The following MMP25 variants were observed in gnomAD, a reference collection of about 807,000 sequenced individuals.
MMP25 encodes the protein matrix metallopeptidase 25.
In MMP25, 68 loss-of-function variants were observed where a neutral mutation model predicts 62.1. The ratio of observed to expected loss-of-function variants is 1.10; its 90% confidence interval spans 0.90 to 1.34. The LOEUF (loss-of-function observed/expected upper bound fraction) is 1.34. Among genes scored for constraint, MMP25 ranks in the 40% most tolerant of loss-of-function variants. The probability of loss-of-function intolerance (pLI) is 0.00; values close to 1 mark genes in which losing one functional copy is unlikely to be tolerated. For missense variants in MMP25, 942 were observed against 792.5 expected (o/e 1.19, Z -2.26); for synonymous variants, 407 against 345.6 (o/e 1.18, Z -1.97).
At position 3,058,205 on chromosome 16, in the gene MMP25, C is replaced by T. The variant is rs373228557; in HGVS notation, c.1031C>T (p.Pro344Leu). 6.2e-7 allele frequency: 1 copy of T among 1,612,790 alleles called. No homozygotes were observed. The highest frequency in any genetic ancestry group is 1.3e-5 in the African/African-American group (1 of 74,680). ...FKGPWFWRLQ[P>L]SGQLVSPRPA... ...GGCCCCTGGTTCTGGCGCCTCCAGC[C>T]CTCCGGACAGCTGGTGTCCCCGCGA... The change falls in exon 8 of 10, where the codon CCC becomes CTC. Residue 344 changes from proline (P) to leucine (L), a missense_variant. Physicochemically the swap from Pro to Leu is moderately conservative, Grantham distance 98 (BLOSUM62 -3). Coordinates refer to ENST00000336577, the MANE Select transcript of MMP25 (RefSeq NM_022468.5).
intron 4 of MMP25, chr16:3,056,186 A>C (rs758000642): frequency 4.4e-4 from 70 of 159,484 alleles, no homozygotes; most frequent in Non-Finnish European, 6.9e-4. Flanking sequence ...GGCAGGAATG[A>C]GGGAAGGTCT....
intron 2 of MMP25, among the ~76,000 whole-genome samples, chr16:3,048,365 T>C (rs527500159): frequency 4.2e-4 from 64 of 152,262 alleles, no homozygotes; most frequent in South Asian, 1.0e-3. Context: ...TCCAATGGTA[T>C]AGTGATAAAT....
At chr16:3,058,791 C>T (rs948746593) in intron 9 of MMP25, 36 bp from the exon 10 acceptor site, 3 of 1,364,348 alleles carry the variant, frequency 2.2e-6, no homozygotes, top group Admixed American at 2.4e-5. Flanking sequence ...AGCGGCGGGG[C>T]GGGGAGGGAC....
In MMP25 at chr16:3,050,417, T is replaced by C. The variant is rs1955885610; in HGVS notation, c.532T>C (p.Phe178Leu). Residue 178 changes from phenylalanine to leucine, a missense_variant, in exon 4 of 10, where the codon TTC (phenylalanine) becomes CTC (leucine). Physicochemically the swap from Phe to Leu is conservative, Grantham distance 22. Transcript: ENST00000336577. ...CATCCTCATCGACTTTGCCCGCGCC[T>C]TCCACCAGGACAGCTACCCCTTCGA... is the stretch of plus-strand genomic sequence containing the variant. ...PDILIDFARAFHQDSYPFDGL... is the reference protein window; with the variant it reads ...PDILIDFARALHQDSYPFDGL... 6.2e-7 allele frequency: 1 copy of C among 1,613,862 alleles called. No homozygotes were observed. The highest frequency in any genetic ancestry group is 8.5e-7 in the Non-Finnish European group (1 of 1,180,006).
intron 4 of MMP25, among the ~76,000 whole-genome samples, chr16:3,056,561 G>C (rs1596220111): frequency 6.6e-6 from 1 of 152,016 alleles, no homozygotes; most frequent in East Asian, 1.9e-4. Context: ...ACAGGCATGC[G>C]CCACCACTCC....
At chr16:3,047,129 G>A (rs1955833069) in intron 1 of MMP25, 113 bp downstream of exon 1, 2 of 1,214,816 alleles carry the variant, frequency 1.6e-6, no homozygotes, top group Non-Finnish European at 2.2e-6. Flanking sequence ...TATCCAAAGA[G>A]TGACTGAGGA....
Position 3,050,353 on chromosome 16 carries a change from A to G in MMP25, c.468A>G (p.Thr156=), listed in dbSNP as rs148929913. 26 of 1,613,750 alleles carry G rather than the reference A, an allele frequency of 1.6e-5. No individual in the cohort carries two copies. In the African/African-American group the frequency reaches 3.1e-4, roughly 19 times the overall value. Residue 156 remains threonine, a synonymous_variant, in exon 4 of 10, where the codon ACA becomes ACG. Transcript: ENST00000336577. ...LMAWGMESGL[T]FHEVDSPQGQ... The stretch of plus-strand genomic sequence containing the variant: ...CCTGGGGCATGGAGTCAGGCCTCAC[A>G]TTTCATGAGGTGGATTCCCCCCAGG...
At chr16:3,056,516 C>T (rs560397850) in intron 4 of MMP25, among the ~76,000 whole-genome samples, 9 of 152,256 alleles carry the variant, frequency 5.9e-5, no homozygotes, top group African/African-American at 1.7e-4. Context: ...TCTCCTGCCT[C>T]CCTGCCTCAG....
In MMP25 at chr16:3,050,289, AGGAGACCG is replaced by A; in HGVS notation, c.405_412del (p.Gln135HisfsTer22). The A allele has an allele frequency of 6.2e-7, 1 of 1,608,132 alleles. No individual in the cohort carries two copies. Among genetic ancestry groups the A allele is most frequent in the Non-Finnish European group, 8.5e-7 (1 of 1,175,784 alleles). The stretch of plus-strand genomic sequence containing the variant: ...TTCCCCCAGAGCTCCCAGCTGAGCC[AGGAGACCG>A]TGCGGGTCCTCATGAGCTATGCCCT... On this transcript the variant is annotated frameshift_variant, in exon 4 of 10. Coordinates refer to ENST00000336577, the MANE Select transcript of MMP25 (RefSeq NM_022468.5). LOFTEE classifies it high-confidence loss of function.
In MMP25 at chr16:3,058,672, G is replaced by A; in HGVS notation, c.1417+3G>A. On this transcript the variant is annotated splice_donor_region_variant and intron_variant, in intron 9 of 9. Coordinates refer to ENST00000336577, the MANE Select transcript of MMP25 (RefSeq NM_022468.5). ...CGATGTCACCGTCAGCAACGCAGGT[G>A]GGGAGCGCGGTGACCTGCGGGTTAC... 1 of 1,593,982 alleles carries A rather than the reference G, an allele frequency of 6.3e-7. No homozygotes were observed. Among genetic ancestry groups the A allele is most frequent in the Middle Eastern group, 1.7e-4 (1 of 6,020 alleles).
intron 2 of MMP25, among the ~76,000 whole-genome samples, chr16:3,047,996 C>T (rs914399119): frequency 2.0e-5 from 3 of 152,098 alleles, no homozygotes; most frequent in Admixed American, 6.6e-5. Flanking sequence ...CGCACCATCA[C>T]ACCAGGCTAA....
Position 3,057,213 on chromosome 16 carries a change from G to A in MMP25, c.838+4G>A. 1.2e-6 allele frequency: 2 copies of A among 1,613,186 alleles called. No individual in the cohort carries two copies. The highest frequency in any genetic ancestry group is 1.7e-6 in the Non-Finnish European group (2 of 1,179,550). On this transcript the variant is annotated splice_donor_region_variant and intron_variant, in intron 5 of 9. Coordinates refer to ENST00000336577, the MANE Select transcript of MMP25 (RefSeq NM_022468.5). ...GATGGCCTGCAGCAACTCTATGGTA[G>A]GGGGAGAGGGACCTGCCGCGAAACC...
Position 3,050,356 on chromosome 16 carries a change from T to A in MMP25, c.471T>A (p.Phe157Leu). The change falls in exon 4 of 10, where the codon TTT (phenylalanine) becomes TTA (leucine). Residue 157 changes from phenylalanine (F) to leucine (L), a missense_variant. Transcript: ENST00000336577. Reference sequence around the variant, plus strand: ...GGGGCATGGAGTCAGGCCTCACATTTCATGAGGTGGATTCCCCCCAGGGCC... The same window carrying A: ...GGGGCATGGAGTCAGGCCTCACATTACATGAGGTGGATTCCCCCCAGGGCC... The part of the protein sequence containing the change: ...MAWGMESGLT[F>L]HEVDSPQGQE... 1 of 1,614,018 alleles carries A rather than the reference T, an allele frequency of 6.2e-7. No homozygotes were observed.
rs780841643 is a variant in MMP25 at position 3,057,621 on chromosome 16, A to G, written c.1006+8A>G. 25 of 1,613,532 alleles carry G rather than the reference A, an allele frequency of 1.5e-5. No individual in the cohort carries two copies. The Admixed American group carries it at 1.8e-4, about 12-fold the overall frequency. On this transcript the variant is annotated splice_region_variant and intron_variant, in intron 7 of 9. Coordinates refer to ENST00000336577, the MANE Select transcript of MMP25 (RefSeq NM_022468.5). ...AAACTTTCTTCTTCAAAGGTGAGTC[A>G]TTTCACTTGGCCTCATATATGTTGG... is the stretch of plus-strand genomic sequence containing the variant.
At position 3,046,850 on chromosome 16, in the gene MMP25, C is replaced by T; in HGVS notation, c.-68C>T. 2 of 906,844 alleles carry T rather than the reference C, an allele frequency of 2.2e-6. No individual in the cohort carries two copies. Among genetic ancestry groups the T allele is most frequent in the African/African-American group, 3.5e-5 (2 of 56,382 alleles). The allele number at this position is 906,844 out of a possible 1,614,324, so 56.2% of individuals were successfully genotyped here. A position where few individuals can be genotyped will look rare whatever the true frequency, so the allele number is the denominator to read the frequency against. ...CTCTCCAGGCCCGGATCTCCTCCCC[C>T]AGGTCCCCGGGGCGGCCCCAGCCAG... is the stretch of plus-strand genomic sequence containing the variant. On this transcript the variant is annotated 5_prime_UTR_variant, in exon 1 of 10. Transcript: ENST00000336577.
At position 3,058,413 on chromosome 16, in the gene MMP25, G is replaced by T. The variant is rs767745908; in HGVS notation, c.1161G>T (p.Gly387=). Residue 387 remains glycine (G), a splice_region_variant and synonymous_variant, in exon 9 of 10, where the codon GGG becomes GGT. Coordinates refer to ENST00000336577, the MANE Select transcript of MMP25 (RefSeq NM_022468.5). ...GACCTCCCGGCCTCCACCCTGCAGGGCCCCAGTTCTGGGTGTTCCAGGACC... is the reference window on the plus strand; with the variant it reads ...GACCTCCCGGCCTCCACCCTGCAGGTCCCCAGTTCTGGGTGTTCCAGGACC... ...HRDGRILLFS[G]PQFWVFQDRQ... is the part of the protein sequence containing the mutation. The T allele has an allele frequency of 3.9e-6, 6 of 1,552,042 alleles. No homozygotes were observed. Among genetic ancestry groups the T allele is most frequent in the Non-Finnish European group, 5.2e-6 (6 of 1,148,976 alleles).
In MMP25 at chr16:3,059,122, C is replaced by A. The variant is rs193188076; in HGVS notation, c.*24C>A. 6.3e-3 allele frequency: 9,543 copies of A among 1,506,920 alleles called. 867 individuals are homozygous for A. In the Admixed American group the frequency reaches 0.16, roughly 25 times the overall value. 93.3% of individuals were successfully genotyped at this position (1,506,920 alleles called of 1,614,324 possible). On this transcript the variant is annotated 3_prime_UTR_variant, in exon 10 of 10. Transcript: ENST00000336577. ...GATGGGGGGAGCCATCCAGACCGAA[C>A]AGCGCCCTCCACGGCCGAGTCCCCC... is the stretch of plus-strand genomic sequence containing the variant.
At chr16:3,052,000 C>G (rs1437309035) in intron 4 of MMP25, 1 of 152,058 alleles carries the variant, frequency 6.6e-6, no homozygotes, top group African/African-American at 2.4e-5. Flanking sequence ...GTGGTGCAAG[C>G]CTGTAATCCC....
chr16:3,047,996 C>G (rs914399119), intron 2 of MMP25, among the ~76,000 whole-genome samples: 2 of 152,216 alleles, frequency 1.3e-5, no homozygotes, highest in South Asian at 2.1e-4. Context: ...CGCACCATCA[C>G]ACCAGGCTAA....
Sources: gnomAD v4.1 joint callset for allele counts (sites outside exome capture counted in the v4.1 genomes callset) on GRCh38, gnomAD v4.1.1 for gene constraint, MANE v1.5 for transcripts, NCBI Gene and HGNC (gene_info 2026-07-23, HGNC 2026-07-21) for gene names.